Variants in PIK3R6 observed in about 807,000 individuals in gnomAD.
PIK3R6 encodes phosphoinositide 3-kinase regulatory subunit 6.
In PIK3R6, 91 loss-of-function variants were observed where a neutral mutation model predicts 84.9. The ratio of observed to expected loss-of-function variants is 1.07; its 90% CI spans 0.90 to 1.28. The LOEUF (loss-of-function observed/expected upper bound fraction) is 1.28. Ranked by LOEUF, PIK3R6 falls within the 50% of genes most tolerant of loss-of-function variation. The pLI, the probability that PIK3R6 is intolerant of heterozygous loss-of-function variation, is 0.00. For missense variants in PIK3R6, 996 were observed against 985.1 expected, an observed-to-expected ratio of 1.01 and a Z score of -0.15; for synonymous variants, 416 against 411.4, an observed-to-expected ratio of 1.01 and a Z score of -0.13.
At chr17:8,804,427 T>C (rs1178703866) in intron 18 of PIK3R6, among the ~76,000 whole-genome samples, 1 of 152,180 alleles carries the variant, frequency 6.6e-6, no homozygotes, top group Non-Finnish European at 1.5e-5. Context: ...GCTTGCCAGG[T>C]TGTCAAGTTA....
intron 9 of PIK3R6, 136 bp downstream of exon 9, chr17:8,832,753 C>G (rs374284989): frequency 5.2e-6 from 7 of 1,356,534 alleles, no homozygotes; most frequent in African/African-American, 4.3e-5. Context: ...AGGCTGCCCC[C>G]AGTCCCCAGG....
rs763077973 is a variant in PIK3R6, at chr17:8,828,756, C to T, written c.1124G>A (p.Arg375His). 86 of 1,599,356 alleles carry T rather than the reference C, an allele frequency of 5.4e-5. No homozygotes were observed. The highest frequency in any genetic ancestry group is 6.7e-5 in the Non-Finnish European group (79 of 1,171,278). ...CATCAAGAAGTCCAGGGGCCATGCA[C>T]GCTTCTTGATGCCCCCTTTGCGCTG... Reference protein sequence around the residue: ...GLQRKGGIKKRAWPLDFLMPG... With the variant: ...GLQRKGGIKKHAWPLDFLMPG... Residue 375 changes from arginine (R) to histidine (H), a missense_variant, in exon 11 of 20, where the codon CGT (arginine) becomes CAT (histidine). Arg to His is a conservative substitution (Grantham distance 29). Transcript: ENST00000619866.
intron 9 of PIK3R6, among the ~76,000 whole-genome samples, chr17:8,830,261 G>A (rs1210041007): frequency 2.0e-5 from 3 of 152,208 alleles, no homozygotes; most frequent in South Asian, 2.1e-4. Flanking sequence ...CGATGCTGAC[G>A]AGAACTCATC....
At chr17:8,860,343 T>C (rs894195614) in intron 1 of PIK3R6, among the ~76,000 whole-genome samples, 2 of 152,130 alleles carry the variant, frequency 1.3e-5, no homozygotes, top group Non-Finnish European at 2.9e-5. Context: ...TATTGTGAAC[T>C]GCGCATGCAA....
chr17:8,829,552 ACACT>A (rs2088140939), intron 10 of PIK3R6, among the ~76,000 whole-genome samples, 150 bp downstream of exon 10: 1 of 149,934 alleles, frequency 6.7e-6, no homozygotes, highest in Non-Finnish European at 1.5e-5. Context: ...ACACAGACAC[ACACT>A]CATGCACACA....
At chr17:8,859,068 A>G (rs1174958486) in intron 1 of PIK3R6, among the ~76,000 whole-genome samples, 1 of 152,240 alleles carries the variant, frequency 6.6e-6, no homozygotes, top group African/African-American at 2.4e-5. Flanking sequence ...TGTAAAATGA[A>G]GAAACAAAGC....
intron 18 of PIK3R6, among the ~76,000 whole-genome samples, chr17:8,808,342 T>C (rs1324276363): frequency 6.6e-6 from 1 of 151,986 alleles, no homozygotes; most frequent in Non-Finnish European, 1.5e-5. Context: ...AACCTGCACA[T>C]ACAAAAGGCC....
intron 1 of PIK3R6, among the ~76,000 whole-genome samples, chr17:8,854,544 A>G (rs1350480253): frequency 6.6e-6 from 1 of 152,210 alleles, no homozygotes; most frequent in Non-Finnish European, 1.5e-5. Flanking sequence ...GCAGGCCCAC[A>G]CAGATATGGC....
At chr17:8,858,083 T>C (rs2089185320) in intron 1 of PIK3R6, among the ~76,000 whole-genome samples, 1 of 152,178 alleles carries the variant, frequency 6.6e-6, no homozygotes, top group Non-Finnish European at 1.5e-5. Context: ...AGGAGACCTT[T>C]GTGGTCGATT....
chr17:8,804,030 C>G lies in PIK3R6; in HGVS notation c.2108+11G>C. 6.2e-7 allele frequency: 1 copy of G among 1,610,440 alleles called. No individual in the cohort carries two copies. The highest frequency in any genetic ancestry group is 8.5e-7 in the Non-Finnish European group (1 of 1,176,822). Reference sequence around the variant, plus strand: ...GCCCTGGACATCTAGGGTTGGCAGGCCCAGCCTCACCTGACCACATCCCTG... The same window carrying G: ...GCCCTGGACATCTAGGGTTGGCAGGGCCAGCCTCACCTGACCACATCCCTG... On this transcript the variant is annotated intron_variant, in intron 19 of 19. Transcript: ENST00000619866.
Position 8,803,721 on chromosome 17 carries a change from C to T in PIK3R6, c.2109-292G>A. On this transcript the variant is annotated intron_variant, in intron 19 of 19. Transcript: ENST00000619866. This position sits in a 1 kb window ranked among gnomAD's most constrained non-coding sequence, Gnocchi z 5.0. ...TCAGCTAACTGGAACACAGATGCCA[C>T]AGGTCAGCCTGTGTGGGAGGGGCCC... 1.8e-6 allele frequency: 1 copy of T among 545,482 alleles called. No homozygotes were observed. The highest frequency in any genetic ancestry group is 3.3e-6 in the Non-Finnish European group (1 of 306,942). The allele number at this position is 545,482 out of a possible 1,614,324, so 33.8% of individuals were successfully genotyped here. A position where few individuals can be genotyped will look rare whatever the true frequency, so the allele number is the denominator to read the frequency against.
In PIK3R6 at chr17:8,828,750, C is replaced by T; in HGVS notation, c.1130G>A (p.Trp377Ter). ...GCCAGGCATCAAGAAGTCCAGGGGC[C>T]ATGCACGCTTCTTGATGCCCCCTTT... Reference protein sequence around the residue: ...QRKGGIKKRAWPLDFLMPGSW... With the variant: ...QRKGGIKKRA Residue 377 changes from tryptophan to a stop codon, truncating the protein, a stop_gained, in exon 11 of 20, where the codon TGG (tryptophan) becomes TAG (stop). Transcript: ENST00000619866. LOFTEE classifies it high-confidence loss of function. 2.5e-6 allele frequency: 4 copies of T among 1,601,026 alleles called. No homozygotes were observed. Among genetic ancestry groups the T allele is most frequent in the Non-Finnish European group, 3.4e-6 (4 of 1,172,088 alleles).
chr17:8,831,447 G>C (rs2088239507), intron 9 of PIK3R6, among the ~76,000 whole-genome samples: 1 of 151,844 alleles, frequency 6.6e-6, no homozygotes, highest in African/African-American at 2.4e-5. Flanking sequence ...AGAGTCACTG[G>C]TGAGTGTTAG....
At chr17:8,855,448 A>G (rs1181950512) in intron 1 of PIK3R6, among the ~76,000 whole-genome samples, 1 of 152,216 alleles carries the variant, frequency 6.6e-6, no homozygotes, top group Non-Finnish European at 1.5e-5. Context: ...TGGCAAATAA[A>G]CACATTAAAA....
At chr17:8,823,571 G>A in intron 13 of PIK3R6, 74 bp from the exon 14 acceptor site, 1 of 1,026,618 alleles carries the variant, frequency 9.7e-7, no homozygotes, top group Non-Finnish European at 1.5e-6. Context: ...TCTTCAGAGA[G>A]AAACTTCAAG....
At chr17:8,851,325 G>A (rs987914139) in intron 1 of PIK3R6, among the ~76,000 whole-genome samples, 2 of 152,120 alleles carry the variant, frequency 1.3e-5, no homozygotes. Context: ...GTGAAACCCT[G>A]TCTCTACTAA....
intron 16 of PIK3R6, among the ~76,000 whole-genome samples, chr17:8,822,180 G>A (rs2087758657): frequency 6.6e-6 from 1 of 151,784 alleles, no homozygotes; most frequent in East Asian, 1.9e-4. Context: ...ATGAGCCACG[G>A]TGCCAGACCC....
intron 8 of PIK3R6, among the ~76,000 whole-genome samples, chr17:8,834,771 C>T (rs1481188895): frequency 6.6e-6 from 1 of 152,056 alleles, no homozygotes; most frequent in Non-Finnish European, 1.5e-5. Context: ...GACCCAGATT[C>T]CTGCTTTCGG....
intron 11 of PIK3R6, 112 bp downstream of exon 11, chr17:8,828,455 G>C: frequency 7.5e-7 from 1 of 1,334,524 alleles, no homozygotes; most frequent in Non-Finnish European, 1.0e-6. Flanking sequence ...TCCCACCCTG[G>C]CCTCTGCCTC....
Sources: gnomAD v4.1 joint callset for allele counts (sites outside exome capture counted in the v4.1 genomes callset) on GRCh38, gnomAD v4.1.1 for gene constraint, Gnocchi (gnomAD v3.1) non-coding constraint, MANE v1.5 for transcripts, NCBI Gene and HGNC (gene_info 2026-07-23, HGNC 2026-07-21) for gene names.